DLC1: variants seen among roughly 807,000 people sequenced by gnomAD.
The protein encoded by DLC1 is rho GTPase-activating protein 7.
In DLC1, 54 loss-of-function variants were observed where a neutral mutation model predicts 140.3. That is an observed-to-expected ratio of 0.38 (90% CI 0.31 to 0.48). The LOEUF (loss-of-function observed/expected upper bound fraction) is 0.48, where lower values mean the gene tolerates loss of function less well. Ranked by LOEUF, DLC1 falls within the 20% of genes least tolerant of loss-of-function variation. The pLI is 0.96. For synonymous variants in DLC1, 986 were observed against 728.1 expected (o/e 1.35, Z -5.70); for missense variants, 2,536 against 1,907.0 (o/e 1.33, Z -6.14).
At chr8:13,393,484 A>G (rs1293038602) in intron 4 of DLC1, 69 bp downstream of exon 4, 5 of 1,478,916 alleles carry the variant, frequency 3.4e-6, no homozygotes, top group Admixed American at 4.3e-5. Context: ...TATCGAATGA[A>G]TATCAACTCT....
At chr8:13,191,843 AG>A (rs1826772187) in intron 5 of DLC1, among the ~76,000 whole-genome samples, 1 of 152,020 alleles carries the variant, frequency 6.6e-6, no homozygotes, top group Admixed American at 6.6e-5. Context: ...CTAACTCTGT[AG>A]TCCTTTCTGC....
chr8:13,535,482 A>G (rs10106078), intron 1 of DLC1, among the ~76,000 whole-genome samples: 26,085 of 151,854 alleles, frequency 0.17, 4,570 homozygotes, highest in East Asian at 0.46. Flanking sequence ...AATTGAATAG[A>G]TATCTCCAGA....
rs902057177 is a variant in DLC1, at chr8:13,430,026, T to C, written c.1024-28407A>G. Among the ~76,000 whole-genome samples, 156 of 152,194 alleles carry C rather than the reference T, an allele frequency of 1.0e-3. 3 individuals are homozygous for C. Among genetic ancestry groups the C allele is most frequent in the Admixed American group, 0.01 (156 of 15,284 alleles). On this transcript the variant is annotated intron_variant, in intron 2 of 17. Coordinates refer to ENST00000276297, the MANE Select transcript of DLC1 (RefSeq NM_182643.3). ...CCTCGAATCACCTTAAGAAATCCTT[T>C]TAAAAAATTATGGTACCTAGGCCAC...
At chr8:13,231,094 C>G (rs1829027244) in intron 5 of DLC1, among the ~76,000 whole-genome samples, 1 of 151,988 alleles carries the variant, frequency 6.6e-6, no homozygotes, top group Non-Finnish European at 1.5e-5. Context: ...ACAGCACAGA[C>G]AAAAGTGGGG....
intron 5 of DLC1, among the ~76,000 whole-genome samples, chr8:13,302,027 A>G (rs1345789753): frequency 1.3e-5 from 2 of 152,230 alleles, no homozygotes; most frequent in East Asian, 3.8e-4. Flanking sequence ...TATTTATTGG[A>G]TACAATTATA....
chr8:13,407,373 A>G (rs2117280256), intron 2 of DLC1, among the ~76,000 whole-genome samples: 1 of 152,042 alleles, frequency 6.6e-6, no homozygotes, highest in Non-Finnish European at 1.5e-5. Flanking sequence ...TAATCCCAAC[A>G]CCCCTCTTTC....
intron 2 of DLC1, among the ~76,000 whole-genome samples, chr8:13,489,321 T>C (rs754359385): frequency 1.3e-4 from 19 of 151,292 alleles, no homozygotes; most frequent in African/African-American, 2.9e-4. Flanking sequence ...AGTTCTCTCT[T>C]GAATTTGTCA....
intron 1 of DLC1, among the ~76,000 whole-genome samples, chr8:13,555,150 C>T (rs1391944344): frequency 6.6e-6 from 1 of 152,220 alleles, no homozygotes; most frequent in Non-Finnish European, 1.5e-5. Context: ...TCTTCAGACA[C>T]ACTTTCCTTG....
At chr8:13,601,741 T>C (rs1805893531) in intron 1 of DLC1, among the ~76,000 whole-genome samples, 1 of 151,716 alleles carries the variant, frequency 6.6e-6, no homozygotes, top group South Asian at 2.1e-4. Context: ...CTAAAAAACC[T>C]GAGACAATTA....
intron 5 of DLC1, among the ~76,000 whole-genome samples, chr8:13,296,221 G>A (rs897950202): frequency 3.9e-5 from 6 of 152,048 alleles, no homozygotes; most frequent in African/African-American, 1.4e-4. Context: ...CTCCCAAAGT[G>A]CTGTAATTAC....
chr8:13,136,131 C>G (rs935824962), intron 5 of DLC1, among the ~76,000 whole-genome samples: 1 of 152,172 alleles, frequency 6.6e-6, no homozygotes, highest in Non-Finnish European at 1.5e-5. Flanking sequence ...TGGTTGAAAG[C>G]AGGACTTTTA....
chr8:13,541,949 A>G (rs1354546486), intron 1 of DLC1, among the ~76,000 whole-genome samples: 2 of 152,010 alleles, frequency 1.3e-5, no homozygotes, highest in Non-Finnish European at 2.9e-5. Context: ...AGTTCTTACA[A>G]CTCACTGGAT....
At chr8:13,333,888 A>G (rs1284878397) in intron 4 of DLC1, among the ~76,000 whole-genome samples, 5 of 152,220 alleles carry the variant, frequency 3.3e-5, no homozygotes, top group Non-Finnish European at 7.3e-5. Context: ...AAAATTTTCA[A>G]GTGTCTTCTC....
intron 16 of DLC1, 104 bp downstream of exon 16, chr8:13,088,383 C>T (rs1817744983): frequency 7.5e-7 from 1 of 1,342,192 alleles, no homozygotes; most frequent in Non-Finnish European, 1.0e-6. Context: ...TATGCCCGGC[C>T]TCTACTTTAA....
intron 8 of DLC1, among the ~76,000 whole-genome samples, chr8:13,101,406 G>T (rs1819078349): frequency 6.6e-6 from 1 of 152,194 alleles, no homozygotes; most frequent in South Asian, 2.1e-4. Context: ...ACTGAAGTCA[G>T]CAATGAGCAG....
intron 5 of DLC1, among the ~76,000 whole-genome samples, chr8:13,180,494 A>G (rs1410462578): frequency 6.6e-6 from 1 of 152,206 alleles, no homozygotes; most frequent in African/African-American, 2.4e-5. Flanking sequence ...GTTAATTATT[A>G]TAAATCCCAA....
intron 4 of DLC1, among the ~76,000 whole-genome samples, chr8:13,311,594 T>C (rs148887592): frequency 3.9e-4 from 60 of 152,338 alleles, no homozygotes; most frequent in African/African-American, 1.1e-3. Flanking sequence ...ATCAGCAATA[T>C]TGAGATTTAT....
intron 2 of DLC1, among the ~76,000 whole-genome samples, chr8:13,420,269 A>G (rs987025896): frequency 6.6e-6 from 1 of 152,088 alleles, no homozygotes; most frequent in African/African-American, 2.4e-5. Flanking sequence ...TAATGCTGGA[A>G]TGTAGTGTGT....
rs539465446 is a variant in DLC1 at position 13,512,303 on chromosome 8, A to G, written c.-126+2299T>C. ...GCAGCTATTAGAAATGGAATGTGTT[A>G]CATTTATGAGAAAGGGTCTTGTCTG... On this transcript the variant is annotated intron_variant, in intron 1 of 17. Coordinates refer to ENST00000276297, the MANE Select transcript of DLC1 (RefSeq NM_182643.3). Among the ~76,000 whole-genome samples, 4 of 152,282 alleles carry G rather than the reference A, an allele frequency of 2.6e-5. No homozygotes were observed. In the East Asian group the frequency reaches 7.7e-4, roughly 29 times the overall value.
Sources: gnomAD v4.1 joint callset for allele counts (sites outside exome capture counted in the v4.1 genomes callset) on GRCh38, gnomAD v4.1.1 for gene constraint, MANE v1.5 for transcripts, NCBI Gene and HGNC (gene_info 2026-07-23, HGNC 2026-07-21) for gene names.